Variants in PRKAG2 observed in about 807,000 individuals in gnomAD.
The protein encoded by PRKAG2 is protein kinase AMP-activated non-catalytic subunit gamma 2.
A neutral mutation model predicts 69.6 loss-of-function variants in PRKAG2; 26 were observed. That is an observed-to-expected ratio of 0.37 (90% CI 0.27 to 0.52). The LOEUF is 0.52. PRKAG2 is among the 20% of genes least tolerant of loss of function. The probability of loss-of-function intolerance (pLI) is 0.90; values close to 1 mark genes in which losing one functional copy is unlikely to be tolerated. For missense variants in PRKAG2, 557 were observed against 740.0 expected (o/e 0.75, Z 2.87); for synonymous variants, 293 against 285.0 (o/e 1.03, Z -0.28).
intron 5 of PRKAG2, among the ~76,000 whole-genome samples, chr7:151,618,279 C>T (rs1820637247): frequency 6.6e-6 from 1 of 151,704 alleles, no homozygotes. Flanking sequence ...ATGGCGAAAC[C>T]CCATCTCTAC....
At chr7:151,750,459 C>T (rs1393711458) in intron 3 of PRKAG2, among the ~76,000 whole-genome samples, 6 of 152,296 alleles carry the variant, frequency 3.9e-5, no homozygotes, top group East Asian at 3.9e-4. Context: ...CAAAGTAGAT[C>T]GACTTTCAAA....
At chr7:151,618,270 T>C (rs1024502837) in intron 5 of PRKAG2, among the ~76,000 whole-genome samples, 1 of 151,716 alleles carries the variant, frequency 6.6e-6, no homozygotes, top group Admixed American at 6.6e-5. Context: ...CTGGCCAACA[T>C]GGCGAAACCC....
chr7:151,702,178 T>C (rs1837827175), intron 3 of PRKAG2, among the ~76,000 whole-genome samples: 1 of 152,178 alleles, frequency 6.6e-6, no homozygotes, highest in South Asian at 2.1e-4. Flanking sequence ...TGGAGGGTGG[T>C]GTTCTGCAGA....
chr7:151,576,041 C>T, intron 7 of PRKAG2: 1 of 364,538 alleles, frequency 2.7e-6, no homozygotes, highest in Non-Finnish European at 5.1e-6. Flanking sequence ...GAGTACAGTG[C>T]AGCGATCATG....
At chr7:151,776,725 C>A (rs2076371798) in intron 3 of PRKAG2, among the ~76,000 whole-genome samples, 1 of 152,228 alleles carries the variant, frequency 6.6e-6, no homozygotes, top group Non-Finnish European at 1.5e-5. Flanking sequence ...GCAGGCCCAG[C>A]CGGGGCAGTG....
At chr7:151,846,041 G>A (rs1027660726) in intron 1 of PRKAG2, among the ~76,000 whole-genome samples, 2 of 152,138 alleles carry the variant, frequency 1.3e-5, no homozygotes, top group Non-Finnish European at 2.9e-5. Context: ...CAGACCTCCC[G>A]GCCTGATCAG....
intron 1 of PRKAG2, among the ~76,000 whole-genome samples, chr7:151,868,548 G>T (rs781336470): frequency 2.0e-5 from 3 of 152,232 alleles, no homozygotes; most frequent in Non-Finnish European, 4.4e-5. Context: ...TGTTTGTTGC[G>T]CATTTTAAAC....
chr7:151,866,217 C>T (rs537588506), intron 1 of PRKAG2, among the ~76,000 whole-genome samples: 145 of 152,274 alleles, frequency 9.5e-4, no homozygotes, highest in Middle Eastern at 6.8e-3. Flanking sequence ...CGTCCAGCCT[C>T]AGCCTGACCG....
intron 3 of PRKAG2, among the ~76,000 whole-genome samples, chr7:151,765,497 G>A (rs1444801952): frequency 6.6e-6 from 1 of 152,146 alleles, no homozygotes; most frequent in Non-Finnish European, 1.5e-5. Context: ...GAAACCTGGG[G>A]GAGCCCTTTC....
intron 5 of PRKAG2, among the ~76,000 whole-genome samples, chr7:151,626,955 C>T (rs968470316): frequency 6.6e-6 from 1 of 152,170 alleles, no homozygotes; most frequent in African/African-American, 2.4e-5. Flanking sequence ...TCTTCACTTA[C>T]TCAGGGTGTT....
At chr7:151,794,825 C>T (rs1376013839) in intron 1 of PRKAG2, among the ~76,000 whole-genome samples, 1 of 152,240 alleles carries the variant, frequency 6.6e-6, no homozygotes, top group Non-Finnish European at 1.5e-5. Context: ...CGGCTCTGTC[C>T]TCGTGCAAAG....
chr7:151,866,765 T>C (rs547887597), intron 1 of PRKAG2, among the ~76,000 whole-genome samples: 24 of 152,298 alleles, frequency 1.6e-4, no homozygotes, highest in African/African-American at 5.8e-4. Context: ...GGTTTCCACA[T>C]TAGCCCAATA....
intron 3 of PRKAG2, among the ~76,000 whole-genome samples, chr7:151,779,087 G>A (rs1015222191): frequency 2.0e-5 from 3 of 152,078 alleles, no homozygotes; most frequent in Non-Finnish European, 2.9e-5. Context: ...CTGCAATTCT[G>A]TCAGTTACTG....
At chr7:151,588,885 T>C (rs1217690308) in intron 6 of PRKAG2, among the ~76,000 whole-genome samples, 2 of 152,216 alleles carry the variant, frequency 1.3e-5, no homozygotes, top group African/African-American at 4.8e-5. Flanking sequence ...AACTGATACC[T>C]ATCTTTCTCT....
intron 1 of PRKAG2, among the ~76,000 whole-genome samples, chr7:151,831,740 CT>C (rs1486158754): frequency 3.9e-5 from 6 of 152,008 alleles, no homozygotes; most frequent in African/African-American, 1.5e-4. Flanking sequence ...GCCTCGCCCC[CT>C]GGAGGGAGTT....
chr7:151,642,694 A>G (rs1050111581), intron 4 of PRKAG2, among the ~76,000 whole-genome samples: 6 of 152,236 alleles, frequency 3.9e-5, no homozygotes, highest in African/African-American at 1.4e-4. Flanking sequence ...ATTCCACAGT[A>G]TCTTTTCAGA....
At chr7:151,688,046 C>CCCCT (rs1563431530) in intron 3 of PRKAG2, among the ~76,000 whole-genome samples, 1 of 142,624 alleles carries the variant, frequency 7.0e-6, no homozygotes, top group African/African-American at 2.6e-5. Context: ...AATGAGGCCC[C>CCCCT]CCCCCGGGCT....
chr7:151,730,757 G>A (rs1798800047), intron 3 of PRKAG2, among the ~76,000 whole-genome samples: 2 of 152,170 alleles, frequency 1.3e-5, no homozygotes, highest in South Asian at 4.1e-4. Context: ...GGTCCCCACA[G>A]GGCCATACTC....
chr7:151,705,697 C>T (rs111781205), intron 3 of PRKAG2, among the ~76,000 whole-genome samples: 57 of 152,248 alleles, frequency 3.7e-4, no homozygotes, highest in South Asian at 1.9e-3. Context: ...TTGGAGGGTG[C>T]TCTGCTCTTC....
Sources: allele counts gnomAD v4.1 joint callset (sites outside exome capture counted in the v4.1 genomes callset), GRCh38; gene constraint gnomAD v4.1.1; transcripts MANE v1.5; gene names NCBI Gene and HGNC (gene_info 2026-07-23, HGNC 2026-07-21).